Variants in TNS2 observed in about 807,000 individuals in gnomAD.
TNS2 encodes the protein tensin-2.
TNS2 carries 77 observed loss-of-function variants against 155.7 expected under a neutral mutation model. The ratio of observed to expected loss-of-function variants is 0.49; its 90% CI spans 0.41 to 0.60. The LOEUF (loss-of-function observed/expected upper bound fraction) is 0.60. Ranked by LOEUF, TNS2 falls within the 20% of genes least tolerant of loss-of-function variation. TNS2 has a pLI of 0.00. For synonymous variants in TNS2, 726 were observed against 763.9 expected (o/e 0.95, Z 0.82); for missense variants, 1,703 against 1,868.8 (o/e 0.91, Z 1.64).
In TNS2 at chr12:53,052,482, G is replaced by A. The variant is rs947195731; in HGVS notation, c.212G>A (p.Cys71Tyr). ...TGCAAGGTGGCGACGCACAGAAAAT[G>A]TGAAGCAAAGGTGGGTATCTGATTC... ...RVCKVATHRK[C>Y]EAKVTSACQA... is the part of the protein sequence containing the mutation. Residue 71 changes from cysteine to tyrosine, a missense_variant, in exon 3 of 29, where the codon TGT becomes TAT. Transcript: ENST00000314250. 6.8e-6 allele frequency: 11 copies of A among 1,613,872 alleles called. No homozygotes were observed. Among genetic ancestry groups the A allele is most frequent in the Non-Finnish European group, 9.3e-6 (11 of 1,179,936 alleles).
At chr12:53,047,349 C>T (rs998497639), upstream of TNS2, among the ~76,000 whole-genome samples, 218 of 146,010 alleles carry the variant, frequency 1.5e-3, no homozygotes, top group Non-Finnish European at 2.5e-3. Context: ...CGCCGCGCCC[C>T]CGCCCGGCCG....
chr12:53,061,784 T>C (rs777022288), intron 21 of TNS2, 31 bp from the exon 22 acceptor site: 2 of 1,595,932 alleles, frequency 1.3e-6, no homozygotes, highest in South Asian at 2.3e-5. Context: ...TGAAAACTCC[T>C]CCCCACTGCC....
At chr12:53,049,772 C>T (rs943070886), upstream of TNS2, 25 of 272,420 alleles carry the variant, frequency 9.2e-5, no homozygotes, top group South Asian at 5.2e-4. Context: ...AGCCCTGCCC[C>T]GAGACCAGAA....
chr12:53,054,590 T>TGGAGC (rs1322264134), intron 7 of TNS2, 149 bp downstream of exon 7: 23 of 1,126,826 alleles, frequency 2.0e-5, no homozygotes, highest in Admixed American at 3.4e-5. Flanking sequence ...GAGCGCGGCC[T>TGGAGC]GGAGCGGAGC....
In TNS2 at chr12:53,059,122, C is replaced by T. The variant is rs1212668489; in HGVS notation, c.1481C>T (p.Pro494Leu). 1.9e-6 allele frequency: 3 copies of T among 1,571,884 alleles called. No individual in the cohort carries two copies. The highest frequency in any genetic ancestry group is 1.4e-5 in the African/African-American group (1 of 73,646). Reference protein sequence around the residue: ...AQVQRPPRQTPPAPSPEPPPP... With the variant: ...AQVQRPPRQTLPAPSPEPPPP... ...GTGCAGCGGCCTCCCCGGCAGACCC[C>T]CCCGGCACCCTCTCCAGAGCCTCCA... The change falls in exon 18 of 29, where the codon CCC becomes CTC. Residue 494 changes from proline (P) to leucine (L), a missense_variant. By Grantham distance (98) the Pro-to-Leu change is moderately conservative (BLOSUM62 -3). Transcript: ENST00000314250. The surrounding 1 kb of genome is among the most constrained non-coding windows in gnomAD (Gnocchi z 4.7).
rs915178844 is a variant in TNS2 at position 53,059,425 on chromosome 12, G to T, written c.1784G>T (p.Arg595Leu). The T allele has an allele frequency of 2.7e-6, 4 of 1,481,346 alleles. No homozygotes were observed. The highest frequency in any genetic ancestry group is 2.4e-5 in the East Asian group (1 of 41,328). The allele number at this position is 1,481,346 out of a possible 1,614,324, so 91.8% of individuals were successfully genotyped here. ...RPGLSRHCSC[R>L]QGYREPCGVP... ...GGCCTCAGCCGCCACTGCTCCTGCC[G>T]CCAGGGCTACCGGGAGCCCTGCGGG... The change falls in exon 18 of 29, where the codon CGC becomes CTC. Residue 595 changes from arginine (R) to leucine (L), a missense_variant. Arg to Leu is a moderately radical substitution (Grantham distance 102). Coordinates refer to ENST00000314250, the MANE Select transcript of TNS2 (RefSeq NM_170754.4). This position sits in a 1 kb window ranked among gnomAD's most constrained non-coding sequence, Gnocchi z 4.7.
chr12:53,054,097 G>A, intron 6 of TNS2, 83 bp downstream of exon 6: 9 of 1,597,638 alleles, frequency 5.6e-6, no homozygotes, highest in Non-Finnish European at 7.7e-6. Context: ...CCCCGCAACA[G>A]AGCTCCCCGG....
chr12:53,060,949 GC>G lies in TNS2; in HGVS notation c.3048del (p.Trp1017GlyfsTer138). On this transcript the variant is annotated frameshift_variant, in exon 20 of 29. Coordinates refer to ENST00000314250, the MANE Select transcript of TNS2 (RefSeq NM_170754.4). LOFTEE classifies it high-confidence loss of function. This position sits in a 1 kb window ranked among gnomAD's most constrained non-coding sequence, Gnocchi z 6.1. Reference sequence around the variant, plus strand: ...CACCACACTTCCTGGCCTCCGCCACGCCCCCTGGCAAGGCCCTCGAGGCCCC... The same window carrying G: ...CACCACACTTCCTGGCCTCCGCCACGCCCCTGGCAAGGCCCTCGAGGCCCC... Reference protein sequence around the residue: ...VPTTLPGLRHAPWQGPRGPPD... With the variant: ...VPTTLPGLRHXPWQGPRGPPD... The G allele has an allele frequency of 6.2e-7, 1 of 1,601,796 alleles. No homozygotes were observed. Among genetic ancestry groups the G allele is most frequent in the South Asian group, 1.1e-5 (1 of 89,620 alleles).
chr12:53,058,774 T>C lies in TNS2; in HGVS notation c.1352T>C (p.Val451Ala), dbSNP rs199587015. 49 of 1,613,868 alleles carry C rather than the reference T, an allele frequency of 3.0e-5. 1 individual carries two copies. In the Admixed American group the frequency reaches 7.7e-4, roughly 25 times the overall value. The change falls in exon 17 of 29, where the codon GTG becomes GCG. Residue 451 changes from valine to alanine, a missense_variant. By Grantham distance (64) the Val-to-Ala change is moderately conservative. Coordinates refer to ENST00000314250, the MANE Select transcript of TNS2 (RefSeq NM_170754.4). Reference sequence around the variant, plus strand: ...GACTACAACACCACTGAGCCAGCCGTGCGCTGGGACTCCTATGAGAACTTC... The same window carrying C: ...GACTACAACACCACTGAGCCAGCCGCGCGCTGGGACTCCTATGAGAACTTC... ...SVDYNTTEPAVRWDSYENFNQ... is the reference protein window; with the variant it reads ...SVDYNTTEPAARWDSYENFNQ...
chr12:53,051,874 A>T lies in TNS2; in HGVS notation c.95A>T (p.His32Leu). Residue 32 changes from histidine (H) to leucine (L), a missense_variant, in exon 2 of 29, where the codon CAT becomes CTT. Coordinates refer to ENST00000314250, the MANE Select transcript of TNS2 (RefSeq NM_170754.4). ...AASRPRKAEP[H>L]SFREKVFRKK... ...CTTCAGCCTAGGAAAGCTGAGCCTC[A>T]TAGCTTCCGGGAGAAGGTTTTCCGG... 6.2e-7 allele frequency: 1 copy of T among 1,613,362 alleles called. No homozygotes were observed. Among genetic ancestry groups the T allele is most frequent in the Non-Finnish European group, 8.5e-7 (1 of 1,179,602 alleles).
chr12:53,062,808 C>T, intron 25 of TNS2, 111 bp downstream of exon 25: 1 of 1,320,802 alleles, frequency 7.6e-7, no homozygotes, highest in South Asian at 1.3e-5. Context: ...CTGGCCAACC[C>T]ATGAGGGCAG....
At chr12:53,056,386 A>AAACAG (rs1944159287) in intron 10 of TNS2, 1 of 153,432 alleles carries the variant, frequency 6.5e-6, no homozygotes, top group Non-Finnish European at 1.4e-5. Flanking sequence ...AAACAAAACA[A>AAACAG]AAAACAGTGG....
upstream of TNS2, chr12:53,049,320 C>A: frequency 7.7e-7 from 1 of 1,291,944 alleles, no homozygotes; most frequent in Non-Finnish European, 1.1e-6. Context: ...AGTTGCAGGG[C>A]TGGAAAGAGG....
upstream of TNS2, chr12:53,049,169 G>C: frequency 5.7e-6 from 9 of 1,586,586 alleles, no homozygotes; most frequent in Non-Finnish European, 7.7e-6. Flanking sequence ...GTATGTGTTG[G>C]GAGGGGGGAC....
rs774180568 is a variant in TNS2 at position 53,061,108 on chromosome 12, C to G, written c.3202C>G (p.Leu1068Val). 1 of 1,611,278 alleles carries G rather than the reference C, an allele frequency of 6.2e-7. No homozygotes were observed. Among genetic ancestry groups the G allele is most frequent in the Non-Finnish European group, 8.5e-7 (1 of 1,178,686 alleles). ...PLAASYDTNGLSQPPLPEKRH... is the reference protein window; with the variant it reads ...PLAASYDTNGVSQPPLPEKRH... Reference sequence around the variant, plus strand: ...GGCTGCCTCCTATGACACCAATGGCCTTAGCCAGCCCCCACTTCCTGAGAA... The same window carrying G: ...GGCTGCCTCCTATGACACCAATGGCGTTAGCCAGCCCCCACTTCCTGAGAA... Residue 1068 changes from leucine (L) to valine (V), a missense_variant, in exon 20 of 29, where the codon CTT becomes GTT. By Grantham distance (32) the Leu-to-Val change is conservative (BLOSUM62 1). Transcript: ENST00000314250.
chr12:53,061,308 T>C (rs1237808482), intron 20 of TNS2, 44 bp downstream of exon 20: 2 of 1,608,618 alleles, frequency 1.2e-6, no homozygotes, highest in South Asian at 2.2e-5. Context: ...GAGAGAACCC[T>C]TTCTCCTGGG....
intron 21 of TNS2, 122 bp downstream of exon 21, chr12:53,061,591 TGA>T: frequency 7.4e-7 from 1 of 1,349,512 alleles, no homozygotes; most frequent in Non-Finnish European, 1.0e-6. Context: ...TACTCTTGGC[TGA>T]GTGTTTACCA....
chr12:53,059,632 G>A lies in TNS2; in HGVS notation c.1991G>A (p.Gly664Glu). The A allele has an allele frequency of 6.2e-7, 1 of 1,613,302 alleles. No individual in the cohort carries two copies. Among genetic ancestry groups the A allele is most frequent in the Non-Finnish European group, 8.5e-7 (1 of 1,179,824 alleles). Reference protein sequence around the residue: ...YPPEMGKPATGDFGYRAPGYR... With the variant: ...YPPEMGKPATEDFGYRAPGYR... ...CCTGAGATGGGGAAACCAGCCACTG[G>A]GGACTTTGGCTACCGCGCCCCAGGC... The change falls in exon 18 of 29, where the codon GGG becomes GAG. Residue 664 changes from glycine to glutamate, a missense_variant. Coordinates refer to ENST00000314250, the MANE Select transcript of TNS2 (RefSeq NM_170754.4). This position sits in a 1 kb window ranked among gnomAD's most constrained non-coding sequence, Gnocchi z 4.7.
Position 53,060,518 on chromosome 12 carries a change from C to G in TNS2, c.2731C>G (p.Pro911Ala), listed in dbSNP as rs1273199394. The change falls in exon 19 of 29, where the codon CCC (proline) becomes GCC (alanine). Residue 911 changes from proline to alanine, a missense_variant. Pro to Ala is a conservative substitution (Grantham distance 27). Transcript: ENST00000314250. This position sits in a 1 kb window ranked among gnomAD's most constrained non-coding sequence, Gnocchi z 6.1. ...GTCAGAGTTGTCTGGTCCCTCCACG[C>G]CCCTGCACACCAGCAGTCCAGTCCA... is the stretch of plus-strand genomic sequence containing the variant. ...ASSELSGPST[P>A]LHTSSPVQGK... The G allele has an allele frequency of 6.2e-7, 1 of 1,613,830 alleles. No homozygotes were observed. Among genetic ancestry groups the G allele is most frequent in the Non-Finnish European group, 8.5e-7 (1 of 1,179,994 alleles).
Sources: allele counts gnomAD v4.1 joint callset (sites outside exome capture counted in the v4.1 genomes callset), GRCh38; gene constraint gnomAD v4.1.1; non-coding constraint Gnocchi (gnomAD v3.1); transcripts MANE v1.5; gene names NCBI Gene and HGNC (gene_info 2026-07-23, HGNC 2026-07-21).